CSMD3: variants seen among roughly 807,000 people sequenced by gnomAD.
CSMD3 encodes the protein CUB and Sushi multiple domains 3.
CSMD3 carries 177 observed loss-of-function variants against 435.2 expected under a neutral mutation model. The ratio of observed to expected loss-of-function variants is 0.41; its 90% CI spans 0.36 to 0.46. The LOEUF is 0.46. Ranked by LOEUF, CSMD3 falls within the 20% of genes least tolerant of loss-of-function variation. The pLI, the probability that CSMD3 is intolerant of heterozygous loss-of-function variation, is 0.34. For synonymous variants in CSMD3, 1,656 were observed against 1,520.5 expected (o/e 1.09, Z -2.07); for missense variants, 4,265 against 4,504.6 (o/e 0.95, Z 1.52).
intron 9 of CSMD3, among the ~76,000 whole-genome samples, chr8:112,933,615 A>G (rs2083187350): frequency 6.6e-6 from 1 of 152,182 alleles, no homozygotes; most frequent in African/African-American, 2.4e-5. Context: ...CGATTTCTGA[A>G]TAAGTCACAG....
chr8:113,364,130 T>C (rs2094295962), intron 1 of CSMD3, among the ~76,000 whole-genome samples: 1 of 152,190 alleles, frequency 6.6e-6, no homozygotes, highest in African/African-American at 2.4e-5. Context: ...CTTATGTGTT[T>C]TTATGACTAT....
chr8:112,421,561 T>TAA (rs1554674334), intron 32 of CSMD3, among the ~76,000 whole-genome samples: 31 of 144,650 alleles, frequency 2.1e-4, no homozygotes, highest in Non-Finnish European at 4.2e-4. Context: ...TATATATATG[T>TAA]TATATATATG....
At chr8:112,706,048 A>G (rs2076492313) in intron 13 of CSMD3, among the ~76,000 whole-genome samples, 2 of 152,050 alleles carry the variant, frequency 1.3e-5, no homozygotes, top group Admixed American at 1.3e-4. Flanking sequence ...CAAATGCACA[A>G]TGTAACAGTC....
chr8:112,647,435 T>C (rs1239437316), intron 19 of CSMD3, among the ~76,000 whole-genome samples: 2 of 151,976 alleles, frequency 1.3e-5, no homozygotes, highest in East Asian at 3.9e-4. Context: ...TCCACCGCAG[T>C]AGCTGGGACT....
chr8:112,913,879 C>T lies in CSMD3; in HGVS notation c.1633+7748G>A, dbSNP rs557755629. ...CTTCTAGGCAGAGTGGTTCCTTAAT[C>T]GTCTTTGAACGGAATGCACCATATT... On this transcript the variant is annotated intron_variant, in intron 10 of 70. Coordinates refer to ENST00000297405, the MANE Select transcript of CSMD3 (RefSeq NM_198123.2). Among the ~76,000 whole-genome samples, 211 of 151,918 alleles carry T rather than the reference C, an allele frequency of 1.4e-3. 1 individual carries two copies. Among genetic ancestry groups the T allele is most frequent in the African/African-American group, 4.8e-3 (201 of 41,476 alleles).
intron 4 of CSMD3, among the ~76,000 whole-genome samples, chr8:113,146,413 G>A (rs747919110): frequency 6.6e-6 from 1 of 151,458 alleles, no homozygotes; most frequent in Non-Finnish European, 1.5e-5. Flanking sequence ...TGCATACTCT[G>A]ATAGATGAAC....
At chr8:112,569,037 T>C (rs1829290198) in intron 24 of CSMD3, among the ~76,000 whole-genome samples, 1 of 152,162 alleles carries the variant, frequency 6.6e-6, no homozygotes, top group Admixed American at 6.6e-5. Flanking sequence ...CAGGCTGCTT[T>C]GCTGGAAAAT....
At chr8:112,866,218 C>T (rs1048491452) in intron 10 of CSMD3, among the ~76,000 whole-genome samples, 2 of 152,130 alleles carry the variant, frequency 1.3e-5, no homozygotes, top group African/African-American at 4.8e-5. Context: ...CTTGTATCTT[C>T]AAATCTTCAA....
chr8:113,087,599 A>C (rs1408306946), intron 5 of CSMD3, among the ~76,000 whole-genome samples: 88 of 151,994 alleles, frequency 5.8e-4, no homozygotes, highest in African/African-American at 1.9e-3. Context: ...CAAAAACAAG[A>C]AATGGGGAAA....
At chr8:112,566,082 C>A in intron 24 of CSMD3, among the ~76,000 whole-genome samples, 1 of 147,736 alleles carries the variant, frequency 6.8e-6, no homozygotes, top group African/African-American at 2.5e-5. Flanking sequence ...TTTAAAAATA[C>A]ATTAAATCTA....
intron 4 of CSMD3, among the ~76,000 whole-genome samples, chr8:113,107,758 T>C (rs564407377): frequency 1.3e-5 from 2 of 152,338 alleles, no homozygotes; most frequent in South Asian, 4.1e-4. Flanking sequence ...TCAATGGCTA[T>C]ATGTTTATGA....
At chr8:112,900,886 TC>T (rs1274792639) in intron 10 of CSMD3, among the ~76,000 whole-genome samples, 1 of 151,180 alleles carries the variant, frequency 6.6e-6, no homozygotes, top group Non-Finnish European at 1.5e-5. Context: ...GGTAGAGGCT[TC>T]TGGCTGAGTA....
intron 31 of CSMD3, among the ~76,000 whole-genome samples, chr8:112,484,689 C>T (rs372370260): frequency 2.6e-5 from 4 of 151,978 alleles, no homozygotes; most frequent in African/African-American, 9.7e-5. Flanking sequence ...TCAATGGTAA[C>T]AATAAAATGC....
intron 27 of CSMD3, among the ~76,000 whole-genome samples, chr8:112,534,280 G>A (rs975152660): frequency 6.6e-6 from 1 of 151,988 alleles, no homozygotes; most frequent in Non-Finnish European, 1.5e-5. Context: ...CCACTAGCAA[G>A]ACTAATAAAG....
At chr8:113,285,895 A>C (rs2093643427) in intron 2 of CSMD3, among the ~76,000 whole-genome samples, 1 of 152,120 alleles carries the variant, frequency 6.6e-6, no homozygotes, top group Non-Finnish European at 1.5e-5. Context: ...AAAATTCTAC[A>C]GCTTTTCCTC....
chr8:112,341,658 A>G lies in CSMD3; in HGVS notation c.6471T>C (p.Ser2157=). Residue 2157 remains serine, a synonymous_variant, in exon 42 of 71, where the codon TCT becomes TCC. Coordinates refer to ENST00000297405, the MANE Select transcript of CSMD3 (RefSeq NM_198123.2). ...CCAAATAATCATGTATGGTTTCTGT[A>G]GAAAAATTTACAAACTGGAGATGTA... The part of the protein sequence containing the change: ...FGVHLQFVNF[S]TETIHDYLEV... The G allele has an allele frequency of 6.2e-7, 1 of 1,611,490 alleles. No homozygotes were observed. Among genetic ancestry groups the G allele is most frequent in the African/African-American group, 1.3e-5 (1 of 74,978 alleles).
chr8:112,827,207 A>ATATT (rs2079722410), intron 12 of CSMD3, among the ~76,000 whole-genome samples: 1 of 122,676 alleles, frequency 8.2e-6, no homozygotes, highest in Non-Finnish European at 1.7e-5. Flanking sequence ...ATATATATAT[A>ATATT]ATCTTTCTAC....
intron 5 of CSMD3, among the ~76,000 whole-genome samples, chr8:113,074,166 GACAC>G (rs5894124): frequency 1.7e-4 from 25 of 148,836 alleles, no homozygotes; most frequent in East Asian, 5.9e-4. Context: ...CACACACAGA[GACAC>G]ACACACACAC....
At chr8:112,529,869 C>T (rs1825352076) in intron 27 of CSMD3, among the ~76,000 whole-genome samples, 1 of 152,060 alleles carries the variant, frequency 6.6e-6, no homozygotes, top group Non-Finnish European at 1.5e-5. Flanking sequence ...TATAATTTAT[C>T]TGACAGACAA....
Sources: gnomAD v4.1 joint callset for allele counts (sites outside exome capture counted in the v4.1 genomes callset) on GRCh38, gnomAD v4.1.1 for gene constraint, MANE v1.5 for transcripts, NCBI Gene and HGNC (gene_info 2026-07-23, HGNC 2026-07-21) for gene names.